The following GLB1L2 variants were observed in gnomAD, a reference collection of about 807,000 sequenced individuals.
GLB1L2 encodes galactosidase beta 1 like 2, also known as beta-galactosidase-1-like protein 2.
A neutral mutation model predicts 84.1 loss-of-function variants in GLB1L2; 68 were observed. The observed-to-expected ratio is 0.81, with a 90% confidence interval of 0.67 to 0.99. The LOEUF (loss-of-function observed/expected upper bound fraction) is 0.99, where lower values mean the gene tolerates loss of function less well. Ranked by LOEUF, GLB1L2 falls within the 50% of genes least tolerant of loss-of-function variation. The probability of loss-of-function intolerance (pLI) is 0.00; values close to 1 mark genes in which losing one functional copy is unlikely to be tolerated. For missense variants in GLB1L2, 762 were observed against 805.6 expected, an observed-to-expected ratio of 0.95 and a Z score of 0.66; for synonymous variants, 290 against 318.0, an observed-to-expected ratio of 0.91 and a Z score of 0.94.
intron 7 of GLB1L2, among the ~76,000 whole-genome samples, chr11:134,362,356 C>T (rs1943806597): frequency 6.9e-6 from 1 of 144,424 alleles, no homozygotes; most frequent in African/African-American, 2.6e-5. Context: ...CCGGCGCTGC[C>T]CGCGTGTTTT....
rs369153669 is a variant in GLB1L2 at position 134,349,118 on chromosome 11, C to G, written c.558+1685C>G. 1.3e-4 allele frequency among the ~76,000 whole-genome samples: 20 copies of G among 152,338 alleles called. 1 individual carries two copies. Among genetic ancestry groups the G allele is most frequent in the African/African-American group, 4.6e-4 (19 of 41,574 alleles). ...GTGCCGTTAAACCCTCCATTCTTCC[C>G]TCTCTCAGCTCCTGACAGCCATTCT... On this transcript the variant is annotated intron_variant, in intron 5 of 18. Transcript: ENST00000535456.
rs765268112 is a variant in GLB1L2 at position 134,371,801 on chromosome 11, A to G, written c.1478A>G (p.Tyr493Cys). ...GTGGAGAATCGTGGGCGAGTCAACT[A>G]TGGGGAGAATATTGATGACCAGCGC... ...ILVENRGRVN[Y>C]GENIDDQRKG... Residue 493 changes from tyrosine to cysteine, a missense_variant, in exon 15 of 19, where the codon TAT (tyrosine) becomes TGT (cysteine). Transcript: ENST00000535456. 87 of 1,613,968 alleles carry G rather than the reference A, an allele frequency of 5.4e-5. No homozygotes were observed. Among genetic ancestry groups the G allele is most frequent in the Non-Finnish European group, 6.9e-5 (82 of 1,180,024 alleles).
intron 1 of GLB1L2, among the ~76,000 whole-genome samples, chr11:134,341,936 G>C: frequency 1.4e-5 from 1 of 72,140 alleles, no homozygotes; most frequent in Non-Finnish European, 3.6e-5. Context: ...AGCCCACACC[G>C]GCTCCTGCCC....
chr11:134,359,025 A>C (rs771889275), intron 6 of GLB1L2, 35 bp from the exon 7 acceptor site: 1 of 1,500,986 alleles, frequency 6.7e-7, no homozygotes, highest in East Asian at 2.4e-5. Context: ...CTAAGGAGCC[A>C]GGGCAGACGA....
At chr11:134,357,392 AG>A (rs1943719131) in intron 6 of GLB1L2, among the ~76,000 whole-genome samples, 1 of 152,240 alleles carries the variant, frequency 6.6e-6, no homozygotes, top group African/African-American at 2.4e-5. Flanking sequence ...GTGTCCAGGA[AG>A]GGTGGCATTC....
At chr11:134,367,128 C>G in intron 8 of GLB1L2, 129 bp from the exon 9 acceptor site, 1 of 843,966 alleles carries the variant, frequency 1.2e-6, no homozygotes, top group Non-Finnish European at 2.0e-6. Flanking sequence ...CCAAAGACCT[C>G]TAAGGCAGTG....
chr11:134,352,988 A>T (rs932489462), intron 5 of GLB1L2, among the ~76,000 whole-genome samples: 3 of 152,104 alleles, frequency 2.0e-5, no homozygotes, highest in African/African-American at 7.2e-5. Context: ...TCCTCTTTGG[A>T]CTATTGGTGA....
At position 134,344,403 on chromosome 11, in the gene GLB1L2, C is replaced by G; in HGVS notation, c.301C>G (p.Leu101Val). The G allele has an allele frequency of 6.2e-7, 1 of 1,613,650 alleles. No individual in the cohort carries two copies. The highest frequency in any genetic ancestry group is 8.5e-7 in the Non-Finnish European group (1 of 1,180,040). Residue 101 changes from leucine (L) to valine (V), a missense_variant, in exon 3 of 19, where the codon CTG (leucine) becomes GTG (valine). Transcript: ENST00000535456. ...NTLTTYVPWN[L>V]HEPERGKFDF... ...CTGTTGCAGCTATGTTCCGTGGAACCTGCATGAGCCAGAAAGAGGCAAATT... is the reference window on the plus strand; with the variant it reads ...CTGTTGCAGCTATGTTCCGTGGAACGTGCATGAGCCAGAAAGAGGCAAATT...
rs1943938068 is a variant in GLB1L2 at position 134,370,541 on chromosome 11, G to A, written c.1215+142G>A. On this transcript the variant is annotated intron_variant, in intron 12 of 18. Transcript: ENST00000535456. This position sits in a 1 kb window ranked among gnomAD's most constrained non-coding sequence, Gnocchi z 4.7. The stretch of plus-strand genomic sequence containing the variant: ...CCTGGAGCCCCTCCAGACAGGGAGT[G>A]TGGGGGGAGGCAGGCCAGTGCCTGG... 1.5e-6 allele frequency: 1 copy of A among 664,088 alleles called. No individual in the cohort carries two copies. Among genetic ancestry groups the A allele is most frequent in the Admixed American group, 2.4e-5 (1 of 41,044 alleles). 41.1% of individuals were successfully genotyped at this position (664,088 alleles called of 1,614,324 possible).
rs754725852 is a variant in GLB1L2, at chr11:134,356,303, C to A, written c.561C>A (p.Tyr187Ter). The change falls in exon 6 of 19, where the codon TAC (tyrosine) becomes TAA (stop). Residue 187 changes from tyrosine to a stop codon, truncating the protein, a stop_gained and splice_region_variant. Transcript: ENST00000535456. LOFTEE classifies it high-confidence loss of function. ...HLMSRVVPLQ[Y>*]KRGGPIIAVQ... The stretch of plus-strand genomic sequence containing the variant: ...GGTTTTCTGTCTTTTCTCCGCAGTA[C>A]AAGCGTGGGGGACCTATCATTGCCG... 1.9e-6 allele frequency: 3 copies of A among 1,613,670 alleles called. No homozygotes were observed. The highest frequency in any genetic ancestry group is 3.3e-4 in the Middle Eastern group (2 of 6,062).
intron 5 of GLB1L2, 176 bp from the exon 6 acceptor site, chr11:134,356,125 G>T: frequency 2.1e-5 from 15 of 706,260 alleles, no homozygotes; most frequent in African/African-American, 3.5e-5. Flanking sequence ...TTTTCTTGAT[G>T]TTTTCATGGG....
intron 5 of GLB1L2, among the ~76,000 whole-genome samples, chr11:134,355,571 C>T (rs1056738560): frequency 4.6e-5 from 7 of 152,206 alleles, no homozygotes; most frequent in Non-Finnish European, 8.8e-5. Context: ...TGTGTGTGTG[C>T]TTCCCTCCCT....
intron 5 of GLB1L2, among the ~76,000 whole-genome samples, chr11:134,350,556 T>C (rs1461831063): frequency 6.6e-6 from 1 of 152,214 alleles, no homozygotes; most frequent in Non-Finnish European, 1.5e-5. Flanking sequence ...TTAATGCGTC[T>C]TTTGGTGATA....
intron 6 of GLB1L2, among the ~76,000 whole-genome samples, chr11:134,358,090 A>G (rs1943729553): frequency 6.6e-6 from 1 of 152,196 alleles, no homozygotes; most frequent in South Asian, 2.1e-4. Flanking sequence ...CGCGTGTGGG[A>G]CTGGACACGA....
At chr11:134,374,756 C>A in intron 18 of GLB1L2, 38 bp downstream of exon 18, 1 of 1,502,420 alleles carries the variant, frequency 6.7e-7, no homozygotes, top group South Asian at 1.1e-5. Context: ...CCCATGACGC[C>A]CTGCCCACCT....
intron 1 of GLB1L2, among the ~76,000 whole-genome samples, chr11:134,335,499 A>T (rs567929823): frequency 3.3e-5 from 5 of 152,188 alleles, no homozygotes; most frequent in African/African-American, 1.2e-4. Context: ...GTGTTGAGGG[A>T]TGTCTGAATC....
At position 134,332,298 on chromosome 11, in the gene GLB1L2, G is replaced by A. The variant is rs897740053; in HGVS notation, c.86+151G>A. On this transcript the variant is annotated intron_variant, in intron 1 of 18. Coordinates refer to ENST00000535456, the MANE Select transcript of GLB1L2 (RefSeq NM_001370461.1). Reference sequence around the variant, plus strand: ...TCTGGGAGCTCCCCAATACCCCCGAGTTCCCCTGCGGCTGCAGGCACTCTA... The same window carrying A: ...TCTGGGAGCTCCCCAATACCCCCGAATTCCCCTGCGGCTGCAGGCACTCTA... The A allele has an allele frequency of 2.0e-5, 11 of 556,450 alleles. No individual in the cohort carries two copies. The South Asian group carries it at 2.2e-4, about 11-fold the overall frequency. The allele number at this position is 556,450 out of a possible 1,614,324, so 34.5% of individuals were successfully genotyped here. A position where few individuals can be genotyped will look rare whatever the true frequency, so the allele number is the denominator to read the frequency against.
In GLB1L2 at chr11:134,338,273, G is replaced by T. The variant is rs1370371571; in HGVS notation, c.87-4481G>T. ...ACCATGACCCCGGTTCCTGATGAGT[G>T]TTTGCAGGATTGACGGGTGATGCAG... On this transcript the variant is annotated intron_variant, in intron 1 of 18. Transcript: ENST00000535456. This position sits in a 1 kb window ranked among gnomAD's most constrained non-coding sequence, Gnocchi z 6.2. 6.6e-6 allele frequency among the ~76,000 whole-genome samples: 1 copy of T among 152,218 alleles called. No individual in the cohort carries two copies.
intron 15 of GLB1L2, among the ~76,000 whole-genome samples, chr11:134,372,221 T>A (rs1290973999): frequency 6.6e-6 from 1 of 152,050 alleles, no homozygotes; most frequent in Non-Finnish European, 1.5e-5. Context: ...ACACTGAAGT[T>A]CTCTTCTTGA....
Sources: allele counts gnomAD v4.1 joint callset (sites outside exome capture counted in the v4.1 genomes callset), GRCh38; gene constraint gnomAD v4.1.1; non-coding constraint Gnocchi (gnomAD v3.1); transcripts MANE v1.5; gene names NCBI Gene and HGNC (gene_info 2026-07-23, HGNC 2026-07-21).